The following MSR1 variants were observed in gnomAD, a reference collection of about 807,000 sequenced individuals.
The protein encoded by MSR1 is macrophage scavenger receptor 1, also known as macrophage scavenger receptor types I and II.
In MSR1, 53 loss-of-function variants were observed where a neutral mutation model predicts 47.2. The observed-to-expected ratio is 1.12, with a 90% CI of 0.90 to 1.41. MSR1 has a LOEUF of 1.41. Ranked by LOEUF, MSR1 falls within the 40% of genes most tolerant of loss-of-function variation. MSR1 has a pLI of 0.00. For missense variants in MSR1, 786 were observed against 546.9 expected, an observed-to-expected ratio of 1.44 and a Z score of -4.36; for synonymous variants, 239 against 185.6, an observed-to-expected ratio of 1.29 and a Z score of -2.34.
intron 8 of MSR1, among the ~76,000 whole-genome samples, chr8:16,130,678 T>C (rs974609512): frequency 2.0e-5 from 3 of 151,998 alleles, no homozygotes; most frequent in African/African-American, 4.8e-5. Flanking sequence ...GTTCCCTTCT[T>C]TGTGTCCGTA....
chr8:16,183,857 TATA>T (rs1318913026), intron 1 of MSR1, among the ~76,000 whole-genome samples: 2 of 143,930 alleles, frequency 1.4e-5, no homozygotes, highest in Non-Finnish European at 3.0e-5. Flanking sequence ...ATTGGCAATA[TATA>T]ATATTAAATA....
At position 16,155,075 on chromosome 8, in the gene MSR1, G is replaced by C; in HGVS notation, c.887C>G (p.Pro296Arg). ...TAAAATTACCATACCTATTGGACCT[G>C]GAAATCCTCGTGGACCACTTTCTCC... The part of the protein sequence containing the change: ...PTGESGPRGF[P>R]GPIGPPGLKG... Residue 296 changes from proline to arginine, a missense_variant, in exon 6 of 10, where the codon CCA becomes CGA. Transcript: ENST00000262101. 6.2e-7 allele frequency: 1 copy of C among 1,611,562 alleles called. No homozygotes were observed. Among genetic ancestry groups the C allele is most frequent in the Non-Finnish European group, 8.5e-7 (1 of 1,178,252 alleles).
At chr8:16,157,714 A>C (rs1228690750) in intron 5 of MSR1, among the ~76,000 whole-genome samples, 2 of 151,906 alleles carry the variant, frequency 1.3e-5, no homozygotes, top group Non-Finnish European at 1.5e-5. Flanking sequence ...TAAGAACACT[A>C]TCCACTACCT....
chr8:16,156,230 C>T (rs1396687718), intron 5 of MSR1, among the ~76,000 whole-genome samples: 1 of 151,922 alleles, frequency 6.6e-6, no homozygotes, highest in Non-Finnish European at 1.5e-5. Context: ...TTTTCAATTG[C>T]TAGTTTGGAC....
chr8:16,177,884 A>G lies in MSR1; in HGVS notation c.103+2T>C, dbSNP rs752659083. The G allele has an allele frequency of 1.9e-6, 3 of 1,613,004 alleles. No homozygotes were observed. Among genetic ancestry groups the G allele is most frequent in the Non-Finnish European group, 2.5e-6 (3 of 1,179,250 alleles). On this transcript the variant is annotated splice_donor_variant, in intron 2 of 9. Coordinates refer to ENST00000262101, the MANE Select transcript of MSR1 (RefSeq NM_138715.3). LOFTEE classifies it high-confidence loss of function. ...ATGGGCAGCCCATCCCCCTCTACTT[A>G]CTCGGAGGAAGCAAAGCTGTCATTG...
At position 16,152,660 on chromosome 8, in the gene MSR1, T is replaced by C. The variant is rs145110654; in HGVS notation, c.899-2349A>G. ...CATTGGGCATAAACAGCTTCTTAGA[T>C]GGCCCACACAAAGTTTCCTTTAGAA... On this transcript the variant is annotated intron_variant, in intron 6 of 9. Coordinates refer to ENST00000262101, the MANE Select transcript of MSR1 (RefSeq NM_138715.3). 1.6e-3 allele frequency among the ~76,000 whole-genome samples: 243 copies of C among 152,194 alleles called. 2 individuals are homozygous for C. The Middle Eastern group carries it at 0.031, about 19-fold the overall frequency.
intron 8 of MSR1, among the ~76,000 whole-genome samples, chr8:16,129,500 C>G (rs1316842333): frequency 1.3e-5 from 2 of 152,058 alleles, no homozygotes; most frequent in Non-Finnish European, 2.9e-5. Context: ...AACCCCAGCA[C>G]TTTGGGAGGT....
At position 16,188,686 on chromosome 8, in the gene MSR1, G is replaced by A. The variant is rs548777541; in HGVS notation, c.-5+3912C>T. 1.2e-3 allele frequency among the ~76,000 whole-genome samples: 189 copies of A among 151,764 alleles called. 1 individual carries two copies. The highest frequency in any genetic ancestry group is 3.4e-3 in the Admixed American group (52 of 15,210). ...TGCCTCCCACCTACTGACAGGCCCC[G>A]GTGTGTGATGCTCCCCTCCCTGTGT... is the stretch of plus-strand genomic sequence containing the variant. On this transcript the variant is annotated intron_variant, in intron 1 of 9. Transcript: ENST00000262101.
chr8:16,147,197 C>T (rs1490913242), intron 7 of MSR1, among the ~76,000 whole-genome samples: 6 of 152,056 alleles, frequency 3.9e-5, no homozygotes, highest in Admixed American at 3.9e-4. Flanking sequence ...TATATCAGGT[C>T]TTATAAATGG....
In MSR1 at chr8:16,120,440, G is replaced by A. The variant is rs1799973129; in HGVS notation, c.1200C>T (p.His400=). ...TACCTTGTCCAAAGTGAGCTGCCTTGTGCACGGCTTGAACACCTGGGTATC... is the reference window on the plus strand; with the variant it reads ...TACCTTGTCCAAAGTGAGCTGCCTTATGCACGGCTTGAACACCTGGGTATC... ...SLGYPGVQAV[H]KAAHFGQGTG... Residue 400 remains histidine (H), a synonymous_variant, in exon 9 of 10, where the codon CAC becomes CAT. Transcript: ENST00000262101. 1 of 1,613,658 alleles carries A rather than the reference G, an allele frequency of 6.2e-7. No homozygotes were observed. Among genetic ancestry groups the A allele is most frequent in the African/African-American group, 1.3e-5 (1 of 74,816 alleles).
At chr8:16,166,378 G>T (rs1193548153) in intron 4 of MSR1, among the ~76,000 whole-genome samples, 1 of 151,228 alleles carries the variant, frequency 6.6e-6, no homozygotes, top group African/African-American at 2.4e-5. Context: ...GGCCAGACTG[G>T]TCTCGAACTC....
chr8:16,186,247 T>A, intron 1 of MSR1: 1 of 1,508,650 alleles, frequency 6.6e-7, no homozygotes, highest in Non-Finnish European at 8.9e-7. Flanking sequence ...TTCCTCCTCA[T>A]CTCCCCAACG....
intron 8 of MSR1, among the ~76,000 whole-genome samples, chr8:16,128,577 T>C (rs1250072173): frequency 6.6e-6 from 1 of 152,172 alleles, no homozygotes; most frequent in Non-Finnish European, 1.5e-5. Flanking sequence ...CTACTTTATC[T>C]GTGGTATTCT....
chr8:16,169,933 G>T (rs989163219), intron 3 of MSR1, among the ~76,000 whole-genome samples: 4 of 151,984 alleles, frequency 2.6e-5, no homozygotes, highest in African/African-American at 9.7e-5. Context: ...AACATACTGA[G>T]CTGCTGATAG....
intron 8 of MSR1, among the ~76,000 whole-genome samples, chr8:16,135,589 C>T (rs148258254): frequency 7.8e-4 from 118 of 152,146 alleles, no homozygotes; most frequent in Middle Eastern, 3.4e-3. Flanking sequence ...TTGTGTAGCC[C>T]ATGGATCCAG....
intron 1 of MSR1, among the ~76,000 whole-genome samples, chr8:16,189,353 T>G (rs1254147958): frequency 1.1e-5 from 1 of 87,036 alleles, no homozygotes; most frequent in Non-Finnish European, 1.9e-5. Context: ...AATCTTATTT[T>G]ATATATTTTT....
intron 5 of MSR1, among the ~76,000 whole-genome samples, chr8:16,163,201 G>T (rs1024169334): frequency 2.0e-5 from 3 of 151,796 alleles, no homozygotes; most frequent in African/African-American, 7.3e-5. Flanking sequence ...TCCAAAAGTG[G>T]CAATACAGCA....
chr8:16,110,895 G>A (rs1424229033), intron 9 of MSR1, among the ~76,000 whole-genome samples: 1 of 152,162 alleles, frequency 6.6e-6, no homozygotes, highest in Non-Finnish European at 1.5e-5. Context: ...AATTGTAAGA[G>A]TGTTAACAGT....
chr8:16,132,861 G>A (rs1411802202), intron 8 of MSR1, among the ~76,000 whole-genome samples: 1 of 152,150 alleles, frequency 6.6e-6, no homozygotes, highest in Non-Finnish European at 1.5e-5. Flanking sequence ...TTTTCAAGCA[G>A]AATGTTTCCA....
Sources: gnomAD v4.1 joint callset for allele counts (sites outside exome capture counted in the v4.1 genomes callset) on GRCh38, gnomAD v4.1.1 for gene constraint, MANE v1.5 for transcripts, NCBI Gene and HGNC (gene_info 2026-07-23, HGNC 2026-07-21) for gene names.